ATP6V1B1: variants seen among roughly 807,000 people sequenced by gnomAD.
ATP6V1B1 encodes ATPase H+ transporting V1 subunit B1.
In ATP6V1B1, 41 loss-of-function variants were observed where a neutral mutation model predicts 62.1. The observed-to-expected ratio is 0.66, with a 90% confidence interval of 0.51 to 0.86. The LOEUF is 0.86. Ranked by LOEUF, ATP6V1B1 falls within the 40% of genes least tolerant of loss-of-function variation. The probability of loss-of-function intolerance (pLI) is 0.00; values close to 1 mark genes in which losing one functional copy is unlikely to be tolerated. For missense variants in ATP6V1B1, 651 were observed against 697.5 expected, an observed-to-expected ratio of 0.93 and a Z score of 0.75; for synonymous variants, 253 against 273.4, an observed-to-expected ratio of 0.93 and a Z score of 0.74.
At chr2:70,948,966 G>C (rs898707576) in intron 2 of ATP6V1B1, among the ~76,000 whole-genome samples, 4 of 152,194 alleles carry the variant, frequency 2.6e-5, no homozygotes, top group African/African-American at 7.2e-5. Flanking sequence ...TGGCCAGTAG[G>C]TGATATAACG....
intron 7 of ATP6V1B1, 117 bp downstream of exon 7, chr2:70,961,139 G>A (rs1553420032): frequency 3.6e-6 from 4 of 1,108,796 alleles, no homozygotes; most frequent in East Asian, 2.6e-5. Flanking sequence ...GGCCAGCCAG[G>A]AGGGGTGAGG....
In ATP6V1B1 at chr2:70,942,404, C is replaced by T. The variant is rs142635885; in HGVS notation, c.119-1254C>T. The T allele has an allele frequency of 4.4e-4, 174 of 398,646 alleles. 1 individual carries two copies. Among genetic ancestry groups the T allele is most frequent in the African/African-American group, 3.3e-3 (159 of 48,756 alleles). The allele number at this position is 398,646 out of a possible 1,614,324, so 24.7% of individuals were successfully genotyped here. A position where few individuals can be genotyped will look rare whatever the true frequency, so the allele number is the denominator to read the frequency against. The stretch of plus-strand genomic sequence containing the variant: ...TTATAAAAATCTGTGCAAGAATCAC[C>T]GTGCCCAGTTGATCTTCCTAGTCCA... On this transcript the variant is annotated intron_variant, in intron 1 of 13. Coordinates refer to ENST00000234396, the MANE Select transcript of ATP6V1B1 (RefSeq NM_001692.4).
At chr2:70,944,103 G>T in intron 2 of ATP6V1B1, 1 of 1,280,954 alleles carries the variant, frequency 7.8e-7, no homozygotes, top group African/African-American at 1.5e-5. Context: ...CCCCACCCTC[G>T]ACTCTCACAG....
chr2:70,954,020 AT>A (rs1352193819), intron 2 of ATP6V1B1, among the ~76,000 whole-genome samples: 1 of 152,050 alleles, frequency 6.6e-6, no homozygotes, highest in Non-Finnish European at 1.5e-5. Flanking sequence ...TGCCTTTCTT[AT>A]TTCTTAATCT....
At chr2:70,948,817 T>C (rs1442001923) in intron 2 of ATP6V1B1, among the ~76,000 whole-genome samples, 1 of 152,170 alleles carries the variant, frequency 6.6e-6, no homozygotes, top group Non-Finnish European at 1.5e-5. Flanking sequence ...CTCCCTTCCG[T>C]GTGATTGTCA....
intron 1 of ATP6V1B1, 194 bp from the exon 2 acceptor site, chr2:70,943,464 C>A: frequency 1.4e-6 from 1 of 711,198 alleles, no homozygotes. Flanking sequence ...GGTGTCCGAG[C>A]AGCAGGGGCC....
intron 2 of ATP6V1B1, among the ~76,000 whole-genome samples, chr2:70,954,436 C>T (rs1680389746): frequency 2.0e-5 from 3 of 152,172 alleles, no homozygotes; most frequent in Non-Finnish European, 4.4e-5. Context: ...GAGAATATGG[C>T]ACAGCTTTAT....
chr2:70,957,236 C>A (rs1273705718), intron 2 of ATP6V1B1, among the ~76,000 whole-genome samples: 1 of 130,328 alleles, frequency 7.7e-6, no homozygotes, highest in African/African-American at 2.8e-5. Flanking sequence ...CAGGTGTGCA[C>A]CACCACACCT....
In ATP6V1B1 at chr2:70,942,367, C is replaced by T. The variant is rs117836262; in HGVS notation, c.119-1291C>T. 1.1e-3 allele frequency: 449 copies of T among 398,678 alleles called. 4 individuals carry two copies. The East Asian group carries it at 0.014, about 13-fold the overall frequency. 24.7% of individuals were successfully genotyped at this position (398,678 alleles called of 1,614,324 possible). The stretch of plus-strand genomic sequence containing the variant: ...CGGAGTTTTCCAAATGGTTGTTACA[C>T]TTGGAGGATCCTTATAAAAATCTGT... On this transcript the variant is annotated intron_variant, in intron 1 of 13. Coordinates refer to ENST00000234396, the MANE Select transcript of ATP6V1B1 (RefSeq NM_001692.4).
In ATP6V1B1 at chr2:70,943,560, TG is replaced by T. The variant is rs782164584; in HGVS notation, c.119-94del. The T allele has an allele frequency of 7.9e-6, 10 of 1,259,246 alleles. No individual in the cohort carries two copies. In the Admixed American group the frequency reaches 9.4e-5, roughly 12 times the overall value. The allele number at this position is 1,259,246 out of a possible 1,614,324, so 78.0% of individuals were successfully genotyped here. A position where few individuals can be genotyped will look rare whatever the true frequency, so the allele number is the denominator to read the frequency against. On this transcript the variant is annotated intron_variant, in intron 1 of 13. Coordinates refer to ENST00000234396, the MANE Select transcript of ATP6V1B1 (RefSeq NM_001692.4). ...CTGACGGCCCAGGCTGGGAAGGAGG[TG>T]GGGTGTGGAGAGAGGAAGGGAAGGC... is the stretch of plus-strand genomic sequence containing the variant.
In ATP6V1B1 at chr2:70,960,970, C is replaced by A; in HGVS notation, c.635C>A (p.Ala212Asp). Residue 212 changes from alanine to aspartate, a missense_variant, in exon 7 of 14, where the codon GCT becomes GAT. By Grantham distance (126) the Ala-to-Asp change is moderately radical. Coordinates refer to ENST00000234396, the MANE Select transcript of ATP6V1B1 (RefSeq NM_001692.4). The stretch of plus-strand genomic sequence containing the variant: ...GCGGGGCTGGTGAAGAAGTCCAAGG[C>A]TGTGCTGGATTACCATGACGACAAC... ...RQAGLVKKSK[A>D]VLDYHDDNFA... 1 of 1,607,794 alleles carries A rather than the reference C, an allele frequency of 6.2e-7. No homozygotes were observed. Among genetic ancestry groups the A allele is most frequent in the Non-Finnish European group, 8.5e-7 (1 of 1,177,154 alleles).
chr2:70,947,904 A>T (rs1385760419), intron 2 of ATP6V1B1, among the ~76,000 whole-genome samples: 1 of 152,150 alleles, frequency 6.6e-6, no homozygotes, highest in Non-Finnish European at 1.5e-5. Flanking sequence ...CCCTTAAGAT[A>T]CAAGCTCCTG....
chr2:70,943,571 G>A (rs782265582), intron 1 of ATP6V1B1, 87 bp from the exon 2 acceptor site: 46 of 1,367,730 alleles, frequency 3.4e-5, no homozygotes, highest in Non-Finnish European at 4.5e-5. Context: ...GGGGTGTGGA[G>A]AGAGGAAGGG....
In ATP6V1B1 at chr2:70,963,712, G is replaced by C. The variant is rs1680645303; in HGVS notation, c.1143+58G>C. On this transcript the variant is annotated intron_variant, in intron 11 of 13. Coordinates refer to ENST00000234396, the MANE Select transcript of ATP6V1B1 (RefSeq NM_001692.4). This position sits in a 1 kb window ranked among gnomAD's most constrained non-coding sequence, Gnocchi z 4.3. ...CAGCCCAGAGAAACACTGAGGAACA[G>C]ATGTTTCACTGCCCCCAGGCATGAA... is the stretch of plus-strand genomic sequence containing the variant. 10 of 1,564,046 alleles carry C rather than the reference G, an allele frequency of 6.4e-6. No individual in the cohort carries two copies. The highest frequency in any genetic ancestry group is 7.9e-6 in the Non-Finnish European group (9 of 1,135,748).
At chr2:70,946,227 C>T (rs1680171356) in intron 2 of ATP6V1B1, among the ~76,000 whole-genome samples, 1 of 152,320 alleles carries the variant, frequency 6.6e-6, no homozygotes, top group South Asian at 2.1e-4. Context: ...TTAAATAAAT[C>T]AGACCCATTC....
At chr2:70,953,281 G>T (rs1680362305) in intron 2 of ATP6V1B1, among the ~76,000 whole-genome samples, 1 of 152,130 alleles carries the variant, frequency 6.6e-6, no homozygotes, top group Non-Finnish European at 1.5e-5. Flanking sequence ...AGGGTTTTTT[G>T]AGGATATTCT....
At chr2:70,938,883 C>G (rs1679919223) in intron 1 of ATP6V1B1, 7 of 811,382 alleles carry the variant, frequency 8.6e-6, no homozygotes, top group Non-Finnish European at 1.0e-5. Flanking sequence ...CCCTGAAGAT[C>G]CCCCAGGAGC....
chr2:70,958,511 C>A, intron 4 of ATP6V1B1, 85 bp downstream of exon 4: 1 of 1,249,006 alleles, frequency 8.0e-7, no homozygotes, highest in Non-Finnish European at 1.2e-6. Context: ...GCACACTACA[C>A]TGTCACTTCC....
intron 1 of ATP6V1B1, chr2:70,938,806 C>A: frequency 1.0e-6 from 1 of 984,758 alleles, no homozygotes; most frequent in African/African-American, 1.7e-5. Flanking sequence ...GTGGAGGTGC[C>A]CAGCAGGAGC....
Sources: allele counts gnomAD v4.1 joint callset (sites outside exome capture counted in the v4.1 genomes callset), GRCh38; gene constraint gnomAD v4.1.1; non-coding constraint Gnocchi (gnomAD v3.1); transcripts MANE v1.5; gene names NCBI Gene and HGNC (gene_info 2026-07-23, HGNC 2026-07-21).